Variants in RTEL1 observed in about 807,000 individuals in gnomAD.
RTEL1 encodes the protein regulator of telomere elongation helicase 1.
A neutral mutation model predicts 162.2 loss-of-function variants in RTEL1; 86 were observed. The observed-to-expected ratio is 0.53, with a 90% CI of 0.45 to 0.63. The LOEUF (loss-of-function observed/expected upper bound fraction) is 0.63, where lower values mean the gene tolerates loss of function less well. Ranked by LOEUF, RTEL1 falls within the 30% of genes least tolerant of loss-of-function variation. The pLI is 0.00. For missense variants in RTEL1, 1,941 were observed against 1,750.2 expected, an observed-to-expected ratio of 1.11 and a Z score of -1.95; for synonymous variants, 958 against 717.9, an observed-to-expected ratio of 1.33 and a Z score of -5.35.
At chr20:63,692,743 G>C (rs902047049) in intron 28 of RTEL1, 62 bp from the exon 29 acceptor site, 1 of 1,507,534 alleles carries the variant, frequency 6.6e-7, no homozygotes, top group Non-Finnish European at 9.1e-7. Flanking sequence ...GGAAGGCTCT[G>C]CAGCCCCAGG....
At chr20:63,683,241 C>T (rs1296686166) in intron 14 of RTEL1, among the ~76,000 whole-genome samples, 1 of 152,244 alleles carries the variant, frequency 6.6e-6, no homozygotes, top group African/African-American at 2.4e-5. Context: ...GCTGGGATTA[C>T]AGGCAAGAGC....
At chr20:63,660,945 C>T (rs1435685496) in intron 2 of RTEL1, 3 of 265,802 alleles carry the variant, frequency 1.1e-5, no homozygotes, top group Admixed American at 5.0e-5. Context: ...GTATGTAGGA[C>T]GTCAGATAGG....
chr20:63,688,698 T>C, intron 21 of RTEL1, 93 bp downstream of exon 21: 1 of 1,223,164 alleles, frequency 8.2e-7, no homozygotes. Flanking sequence ...GCCCTGACCA[T>C]GGGCTCCGGC....
At position 63,658,351 on chromosome 20, in the gene RTEL1, C is replaced by G. The variant is rs2089950902; in HGVS notation, c.-286C>G. 1 of 152,418 alleles carries G rather than the reference C, an allele frequency of 6.6e-6. No homozygotes were observed. The highest frequency in any genetic ancestry group is 1.9e-4 in the East Asian group (1 of 5,314). 9.4% of individuals were successfully genotyped at this position (152,418 alleles called of 1,614,324 possible). A position where few individuals can be genotyped will look rare whatever the true frequency, so the allele number is the denominator to read the frequency against. On this transcript the variant is annotated 5_prime_UTR_variant, in exon 1 of 35. Coordinates refer to ENST00000360203, the MANE Select transcript of RTEL1 (RefSeq NM_001283009.2). ...CTCAGCGCCGACTGCGCGCCTCTGCCCGCGAAAACTCTGAGCTGGCTGACA... is the reference window on the plus strand; with the variant it reads ...CTCAGCGCCGACTGCGCGCCTCTGCGCGCGAAAACTCTGAGCTGGCTGACA...
intron 14 of RTEL1, among the ~76,000 whole-genome samples, chr20:63,684,641 C>A (rs1460063421): frequency 6.6e-6 from 1 of 152,146 alleles, no homozygotes. Context: ...CCGTGCCCAG[C>A]CTGATATTTT....
intron 14 of RTEL1, among the ~76,000 whole-genome samples, chr20:63,683,776 C>T (rs976174517): frequency 6.6e-6 from 1 of 152,148 alleles, no homozygotes; most frequent in African/African-American, 2.4e-5. Context: ...TTTCCAGGAA[C>T]GGTCGTCACG....
intron 31 of RTEL1, 50 bp from the exon 32 acceptor site, chr20:63,694,691 C>T (rs1568723986): frequency 6.8e-7 from 1 of 1,475,626 alleles, no homozygotes; most frequent in Non-Finnish European, 9.2e-7. Context: ...CGGTGGGACT[C>T]TCAGTCCTCC....
intron 25 of RTEL1, 38 bp from the exon 26 acceptor site, chr20:63,690,256 A>G: frequency 1.2e-6 from 2 of 1,603,016 alleles, no homozygotes; most frequent in Non-Finnish European, 1.7e-6. Context: ...TCCCCAGAGG[A>G]GCCAGAAATG....
At chr20:63,669,668 T>C (rs1402274878) in intron 8 of RTEL1, among the ~76,000 whole-genome samples, 3 of 151,764 alleles carry the variant, frequency 2.0e-5, no homozygotes, top group Non-Finnish European at 1.5e-5. Context: ...AATGGCCAGT[T>C]AACCACTGGG....
At chr20:63,694,343 A>T in intron 30 of RTEL1, 29 bp from the exon 31 acceptor site, 1 of 975,010 alleles carries the variant, frequency 1.0e-6, no homozygotes. Context: ...GCTCTCGACC[A>T]GCTTTGTGGC....
intron 16 of RTEL1, 183 bp downstream of exon 16, chr20:63,686,055 G>A (rs918664998): frequency 3.1e-6 from 2 of 638,404 alleles, no homozygotes; most frequent in African/African-American, 3.6e-5. Flanking sequence ...GAGTTACTGA[G>A]AGACGTAGGA....
chr20:63,662,647 C>G lies in RTEL1; in HGVS notation c.477+20C>G, dbSNP rs200601251. The stretch of plus-strand genomic sequence containing the variant: ...CTACAGGTAGGCTCCTGGGCTCCCG[C>G]TCCGGCTCAGTGTCCGACAGGCGAG... On this transcript the variant is annotated intron_variant, in intron 5 of 34. Coordinates refer to ENST00000360203, the MANE Select transcript of RTEL1 (RefSeq NM_001283009.2). The G allele has an allele frequency of 2.2e-5, 35 of 1,613,356 alleles. No homozygotes were observed. The East Asian group carries it at 4.5e-4, about 21-fold the overall frequency.
chr20:63,687,939 C>T lies in RTEL1; in HGVS notation c.1484C>T (p.Pro495Leu). 6.2e-7 allele frequency: 1 copy of T among 1,612,590 alleles called. No individual in the cohort carries two copies. The highest frequency in any genetic ancestry group is 8.5e-7 in the Non-Finnish European group (1 of 1,179,802). Residue 495 changes from proline (P) to leucine (L), a missense_variant and splice_region_variant, in exon 18 of 35, where the codon CCT (proline) becomes CTT (leucine). By Grantham distance (98) the Pro-to-Leu change is moderately conservative. Coordinates refer to ENST00000360203, the MANE Select transcript of RTEL1 (RefSeq NM_001283009.2). ...CTGCTCCCTCTGGCCACGCTCAGCC[C>T]TTTCCCAGTCTGCCTGGAGAACCCA... Reference protein sequence around the residue: ...VSSFALEMQIPFPVCLENPHI... With the variant: ...VSSFALEMQILFPVCLENPHI...
At chr20:63,695,682 G>T in intron 34 of RTEL1, 32 bp downstream of exon 34, 1 of 1,610,374 alleles carries the variant, frequency 6.2e-7, no homozygotes, top group Non-Finnish European at 8.5e-7. Context: ...TTCCTGCTGG[G>T]TGTAGCCCCA....
rs992446445 is a variant in RTEL1, at chr20:63,661,148, T to A, written c.103-150T>A. 1.5e-6 allele frequency: 1 copy of A among 674,482 alleles called. No homozygotes were observed. The highest frequency in any genetic ancestry group is 2.5e-6 in the Non-Finnish European group (1 of 401,842). 41.8% of individuals were successfully genotyped at this position (674,482 alleles called of 1,614,324 possible). On this transcript the variant is annotated intron_variant, in intron 2 of 34. Transcript: ENST00000360203. This position sits in a 1 kb window ranked among gnomAD's most constrained non-coding sequence, Gnocchi z 5.1. ...AGAGTGGGACTTGCCTGTGGACTTC[T>A]CCGCGGTCCCACAGGGCTCTCGCCA...
Position 63,694,847 on chromosome 20 carries a change from G to A in RTEL1, c.3216G>A (p.Gly1072=), listed in dbSNP as rs1483820165. 1 of 1,612,612 alleles carries A rather than the reference G, an allele frequency of 6.2e-7. No individual in the cohort carries two copies. Among genetic ancestry groups the A allele is most frequent in the Non-Finnish European group, 8.5e-7 (1 of 1,179,846 alleles). The change falls in exon 32 of 35, where the codon GGG becomes GGA. Residue 1072 remains glycine, a synonymous_variant. Coordinates refer to ENST00000360203, the MANE Select transcript of RTEL1 (RefSeq NM_001283009.2). The stretch of plus-strand genomic sequence containing the variant: ...TGGCTGATGCCCGCAGGGCCCTGGG[G>A]TCCGCGGGCTGTAGCCAACTCTTGG... ...AYLADARRAL[G]SAGCSQLLAA... is the part of the protein sequence containing the mutation.
At chr20:63,667,430 A>T (rs372545261) in intron 7 of RTEL1, 39 bp from the exon 8 acceptor site, 50 of 1,527,026 alleles carry the variant, frequency 3.3e-5, no homozygotes, top group Non-Finnish European at 4.4e-5. Context: ...CGTCCCCTGC[A>T]TGGGGTGCTC....
chr20:63,679,681 T>C (rs1340795541), intron 12 of RTEL1, among the ~76,000 whole-genome samples, 168 bp from the exon 13 acceptor site: 2 of 152,192 alleles, frequency 1.3e-5, no homozygotes, highest in African/African-American at 2.4e-5. Context: ...GTTCCAAAGC[T>C]GCAGCCTGAT....
intron 8 of RTEL1, among the ~76,000 whole-genome samples, chr20:63,671,143 T>C (rs6011015): frequency 0.054 from 8,261 of 152,130 alleles, 760 homozygotes; most frequent in African/African-American, 0.19. Flanking sequence ...TCACTGCAGC[T>C]TCCGCCTCTT....
Sources: gnomAD v4.1 joint callset for allele counts (sites outside exome capture counted in the v4.1 genomes callset) on GRCh38, gnomAD v4.1.1 for gene constraint, Gnocchi (gnomAD v3.1) non-coding constraint, MANE v1.5 for transcripts, NCBI Gene and HGNC (gene_info 2026-07-23, HGNC 2026-07-21) for gene names.